Variants in GIPC3 observed in about 807,000 individuals in gnomAD.
The protein encoded by GIPC3 is GIPC PDZ domain containing family member 3, also known as PDZ domain-containing protein GIPC3.
Under a neutral mutation model 27.3 loss-of-function variants are expected in GIPC3, and 16 were observed. That is an observed-to-expected ratio of 0.59 (90% CI 0.40 to 0.89). The LOEUF is 0.89. Among genes scored for constraint, GIPC3 ranks in the 40% least tolerant of loss-of-function variants. The pLI is 0.00. For synonymous variants in GIPC3, 194 were observed against 184.6 expected (o/e 1.05, Z -0.41); for missense variants, 440 against 442.1 (o/e 1.00, Z 0.04).
rs777715304 is a variant in GIPC3 at position 3,589,860 on chromosome 19, G to A, written c.735G>A (p.Arg245=). 2.5e-6 allele frequency: 4 copies of A among 1,613,796 alleles called. No individual in the cohort carries two copies. In the East Asian group the frequency reaches 8.9e-5, roughly 36 times the overall value. The change falls in exon 5 of 6, where the codon CGG becomes CGA. Residue 245 remains arginine, a synonymous_variant. Coordinates refer to ENST00000644452, the MANE Select transcript of GIPC3 (RefSeq NM_133261.3). ...APSEFEEEAS[R]KVDDLLESYM... Reference sequence around the variant, plus strand: ...GTGAGTTTGAGGAGGAGGCATCTCGGAAGGTTGATGACCTGCTGGAAAGCT... The same window carrying A: ...GTGAGTTTGAGGAGGAGGCATCTCGAAAGGTTGATGACCTGCTGGAAAGCT...
chr19:3,590,546 G>A lies in GIPC3; in HGVS notation c.*356G>A, dbSNP rs530324914. ...GTTCTAGAACTCAGGCCTGCTCTGA[G>A]GCCAAGCCCAGCTCTAGAACCCAGA... On this transcript the variant is annotated 3_prime_UTR_variant, in exon 6 of 6. Coordinates refer to ENST00000644452, the MANE Select transcript of GIPC3 (RefSeq NM_133261.3). 13 of 1,353,126 alleles carry A rather than the reference G, an allele frequency of 9.6e-6. No homozygotes were observed. The African/African-American group carries it at 1.2e-4, about 12-fold the overall frequency. The allele number at this position is 1,353,126 out of a possible 1,614,324, so 83.8% of individuals were successfully genotyped here. A position where few individuals can be genotyped will look rare whatever the true frequency, so the allele number is the denominator to read the frequency against.
Position 3,586,859 on chromosome 19 carries a change from G to T in GIPC3, c.457G>T (p.Val153Leu), listed in dbSNP as rs1275463125. 1 of 1,613,618 alleles carries T rather than the reference G, an allele frequency of 6.2e-7. No individual in the cohort carries two copies. The highest frequency in any genetic ancestry group is 1.1e-5 in the South Asian group (1 of 91,080). ...SIINRIEAVC[V>L]GDSIEAINDH... ...CATCAACCGGATCGAGGCAGTGTGC[G>T]TGGGTGACAGCATCGAAGCCATCAA... The change falls in exon 3 of 6, where the codon GTG becomes TTG. Residue 153 changes from valine to leucine, a missense_variant. Coordinates refer to ENST00000644452, the MANE Select transcript of GIPC3 (RefSeq NM_133261.3).
chr19:3,588,858 C>T (rs1185734610), intron 3 of GIPC3, among the ~76,000 whole-genome samples: 2 of 151,410 alleles, frequency 1.3e-5, no homozygotes, highest in East Asian at 1.9e-4. Context: ...GCAGGAGAAT[C>T]GCTTGAACCT....
intron 3 of GIPC3, among the ~76,000 whole-genome samples, chr19:3,587,890 C>T (rs180944056): frequency 2.0e-4 from 31 of 151,650 alleles, no homozygotes; most frequent in Non-Finnish European, 2.1e-4. Context: ...GAGGTTTTAC[C>T]GTGTTAGCCA....
chr19:3,589,291 C>T lies in GIPC3; in HGVS notation c.593-152C>T, dbSNP rs568161039. 9.5e-5 allele frequency: 65 copies of T among 684,538 alleles called. 2 individuals carry two copies. Among genetic ancestry groups the T allele is most frequent in the South Asian group, 9.0e-4 (59 of 65,238 alleles). The allele number at this position is 684,538 out of a possible 1,614,324, so 42.4% of individuals were successfully genotyped here. A position where few individuals can be genotyped will look rare whatever the true frequency, so the allele number is the denominator to read the frequency against. On this transcript the variant is annotated intron_variant, in intron 3 of 5. Transcript: ENST00000644452. ...GCTGGGGATGCGAAGTGTGGAATCT[C>T]GAATAGGTCTCTGGAGACTTGCCGT...
chr19:3,586,353 T>C (rs2032364164), intron 1 of GIPC3, 142 bp from the exon 2 acceptor site: 1 of 756,490 alleles, frequency 1.3e-6, no homozygotes, highest in Non-Finnish European at 2.3e-6. Context: ...CTCCCTCCTC[T>C]CTCTGTTCTG....
chr19:3,589,805 CT>C (rs2032446213), intron 4 of GIPC3, 25 bp from the exon 5 acceptor site: 1 of 1,610,558 alleles, frequency 6.2e-7, no homozygotes, highest in Non-Finnish European at 8.5e-7. Flanking sequence ...CTTTTCACCC[CT>C]GACTTCCCTC....
At position 3,586,606 on chromosome 19, in the gene GIPC3, G is replaced by A. The variant is rs768867407; in HGVS notation, c.337G>A (p.Val113Met). The change falls in exon 2 of 6, where the codon GTG becomes ATG. Residue 113 changes from valine to methionine, a missense_variant. Transcript: ENST00000644452. ...FAHVRGETKE[V>M]EVTKTEDALG... Reference sequence around the variant, plus strand: ...CCACGTGCGAGGCGAGACCAAGGAGGTGGAGGTCACTAAGACAGAGGATGC... The same window carrying A: ...CCACGTGCGAGGCGAGACCAAGGAGATGGAGGTCACTAAGACAGAGGATGC... 3.1e-6 allele frequency: 5 copies of A among 1,613,808 alleles called. No homozygotes were observed. Among genetic ancestry groups the A allele is most frequent in the Non-Finnish European group, 4.2e-6 (5 of 1,179,972 alleles).
intron 4 of GIPC3, 44 bp downstream of exon 4, chr19:3,589,599 G>T (rs1253548829): frequency 1.3e-6 from 2 of 1,492,696 alleles, no homozygotes; most frequent in East Asian, 4.5e-5. Context: ...TGCACCTTCA[G>T]CTCCTCCACT....
chr19:3,586,689 GA>G lies in GIPC3; in HGVS notation c.411+10del, dbSNP rs1568277260. The G allele has an allele frequency of 6.2e-7, 1 of 1,604,796 alleles. No homozygotes were observed. Among genetic ancestry groups the G allele is most frequent in the South Asian group, 1.1e-5 (1 of 90,920 alleles). ...GCTACGCCTTCATCAAGGTGCCCGG[GA>G]GGGGGTGGGCGGGTGGCTTCCTGGG... On this transcript the variant is annotated intron_variant, in intron 2 of 5. Coordinates refer to ENST00000644452, the MANE Select transcript of GIPC3 (RefSeq NM_133261.3).
chr19:3,590,333 C>T lies in GIPC3; in HGVS notation c.*143C>T, dbSNP rs543234658. 9 of 1,448,576 alleles carry T rather than the reference C, an allele frequency of 6.2e-6. No individual in the cohort carries two copies. The highest frequency in any genetic ancestry group is 1.4e-5 in the South Asian group (1 of 69,944). 89.7% of individuals were successfully genotyped at this position (1,448,576 alleles called of 1,614,324 possible). On this transcript the variant is annotated 3_prime_UTR_variant, in exon 6 of 6. Coordinates refer to ENST00000644452, the MANE Select transcript of GIPC3 (RefSeq NM_133261.3). ...TGGAGCCCCAGCCCAACTCCAGAAC[C>T]CAACCCTTCTCTAGAATCCAGCCCA... is the stretch of plus-strand genomic sequence containing the variant.
Position 3,585,617 on chromosome 19 carries a change from G to T in GIPC3, c.20G>T (p.Arg7Leu). 8.6e-7 allele frequency: 1 copy of T among 1,164,308 alleles called. No individual in the cohort carries two copies. The allele number at this position is 1,164,308 out of a possible 1,614,324, so 72.1% of individuals were successfully genotyped here. Residue 7 changes from arginine to leucine, a missense_variant, in exon 1 of 6, where the codon CGG becomes CTG. Transcript: ENST00000644452. ...CCCGCCATGGAGGGAGCAGCGGCCC[G>T]GGAGGCCCGGGGGACCGAGACCCCG... is the stretch of plus-strand genomic sequence containing the variant. MEGAAA[R>L]EARGTETPRA...
In GIPC3 at chr19:3,585,521, G is replaced by A. The variant is rs34722692; in HGVS notation, c.-77G>A. 112,143 of 1,070,242 alleles carry A rather than the reference G, an allele frequency of 0.1. 6,100 individuals are homozygous for A. The highest frequency in any genetic ancestry group is 0.11 in the Non-Finnish European group (97,164 of 883,810). 66.3% of individuals were successfully genotyped at this position (1,070,242 alleles called of 1,614,324 possible). A position where few individuals can be genotyped will look rare whatever the true frequency, so the allele number is the denominator to read the frequency against. ...TCTCGGCTGTCGCGCCCTGGGCCGG[G>A]GGAGGGGAGGCTGCAGGAAGCGGCG... is the stretch of plus-strand genomic sequence containing the variant. On this transcript the variant is annotated 5_prime_UTR_variant, in exon 1 of 6. Transcript: ENST00000644452.
Position 3,591,971 on chromosome 19 carries a change from C to T in GIPC3, c.*1781C>T, listed in dbSNP as rs542243591. ...CCAGAGCTCAATCCAGCCCAAGCAC[C>T]GCACCCAGCTCTGGAACTCAGCTCA... is the stretch of plus-strand genomic sequence containing the variant. On this transcript the variant is annotated 3_prime_UTR_variant, in exon 6 of 6. Coordinates refer to ENST00000644452, the MANE Select transcript of GIPC3 (RefSeq NM_133261.3). The T allele has an allele frequency of 4.5e-5, 56 of 1,231,990 alleles. No homozygotes were observed. Among genetic ancestry groups the T allele is most frequent in the South Asian group, 4.5e-4 (11 of 24,302 alleles). The allele number at this position is 1,231,990 out of a possible 1,614,324, so 76.3% of individuals were successfully genotyped here. A position where few individuals can be genotyped will look rare whatever the true frequency, so the allele number is the denominator to read the frequency against.
chr19:3,586,416 C>T (rs1599862222), intron 1 of GIPC3, 79 bp from the exon 2 acceptor site: 2 of 1,313,172 alleles, frequency 1.5e-6, no homozygotes, highest in East Asian at 4.8e-5. Context: ...TCGCTGGGGG[C>T]AGGGGCCTGC....
rs1737346081 is a variant in GIPC3 at position 3,591,075 on chromosome 19, GCCA to G, written c.*887_*889del. On this transcript the variant is annotated 3_prime_UTR_variant, in exon 6 of 6. Transcript: ENST00000644452. ...GACCAAGCCGTGTTCTAGAATTCAGGCCACATCTGAAGCCAAGCCCAGCTCTAG... is the reference window on the plus strand; with the variant it reads ...GACCAAGCCGTGTTCTAGAATTCAGGCATCTGAAGCCAAGCCCAGCTCTAG... 1 of 1,222,864 alleles carries G rather than the reference GCCA, an allele frequency of 8.2e-7. No individual in the cohort carries two copies. The highest frequency in any genetic ancestry group is 1.6e-5 in the African/African-American group (1 of 60,996). 75.8% of individuals were successfully genotyped at this position (1,222,864 alleles called of 1,614,324 possible). A position where few individuals can be genotyped will look rare whatever the true frequency, so the allele number is the denominator to read the frequency against.
chr19:3,585,858 G>T, intron 1 of GIPC3, 36 bp downstream of exon 1: 2 of 1,530,704 alleles, frequency 1.3e-6, no homozygotes, highest in East Asian at 2.5e-5. Context: ...AAGACCACCC[G>T]CCTGATGGGG....
At chr19:3,586,474 G>A in intron 1 of GIPC3, 21 bp from the exon 2 acceptor site, 1 of 1,611,542 alleles carries the variant, frequency 6.2e-7, no homozygotes, top group Non-Finnish European at 8.5e-7. Flanking sequence ...GCTAACTCTA[G>A]GCTCCTTCTC....
Position 3,585,603 on chromosome 19 carries a change from G to C in GIPC3, c.6G>C (p.Glu2Asp), listed in dbSNP as rs946137832. Residue 2 changes from glutamate (E) to aspartate (D), a missense_variant, in exon 1 of 6, where the codon GAG becomes GAC. Coordinates refer to ENST00000644452, the MANE Select transcript of GIPC3 (RefSeq NM_133261.3). ...GTGGCCGAACTTCTCCCGCCATGGAGGGAGCAGCGGCCCGGGAGGCCCGGG... is the reference window on the plus strand; with the variant it reads ...GTGGCCGAACTTCTCCCGCCATGGACGGAGCAGCGGCCCGGGAGGCCCGGG... Reference protein sequence around the residue: MEGAAAREARGT... With the variant: MDGAAAREARGT... The C allele has an allele frequency of 1.7e-6, 2 of 1,156,166 alleles. No individual in the cohort carries two copies. Among genetic ancestry groups the C allele is most frequent in the South Asian group, 8.4e-5 (2 of 23,730 alleles). The allele number at this position is 1,156,166 out of a possible 1,614,324, so 71.6% of individuals were successfully genotyped here.
Sources: gnomAD v4.1 joint callset for allele counts (sites outside exome capture counted in the v4.1 genomes callset) on GRCh38, gnomAD v4.1.1 for gene constraint, MANE v1.5 for transcripts, NCBI Gene and HGNC (gene_info 2026-07-23, HGNC 2026-07-21) for gene names.